Variants in DCC observed in about 807,000 individuals in gnomAD.
DCC encodes the protein netrin receptor DCC.
Under a neutral mutation model 172.5 loss-of-function variants are expected in DCC, and 58 were observed. That is an observed-to-expected ratio of 0.34 (90% CI 0.27 to 0.42). The LOEUF is 0.42. Ranked by LOEUF, DCC falls within the 10% of genes least tolerant of loss-of-function variation. The probability of loss-of-function intolerance (pLI) is 1.00; values close to 1 mark genes in which losing one functional copy is unlikely to be tolerated. For missense variants in DCC, 1,740 were observed against 1,791.0 expected (o/e 0.97, Z 0.51); for synonymous variants, 709 against 644.5 (o/e 1.10, Z -1.52).
intron 5 of DCC, among the ~76,000 whole-genome samples, chr18:53,024,619 T>C (rs1010815081): frequency 3.9e-5 from 6 of 152,172 alleles, no homozygotes; most frequent in African/African-American, 1.4e-4. Context: ...TAGTTCCTAG[T>C]AAGGAAGCCA....
At chr18:52,664,033 G>C (rs1361417590) in intron 1 of DCC, among the ~76,000 whole-genome samples, 1 of 152,168 alleles carries the variant, frequency 6.6e-6, no homozygotes, top group Admixed American at 6.6e-5. Context: ...GTTGAGAGTG[G>C]TCACTTCTAA....
At chr18:52,582,968 G>A (rs35602778) in intron 1 of DCC, among the ~76,000 whole-genome samples, 1 of 152,180 alleles carries the variant, frequency 6.6e-6, no homozygotes, top group Non-Finnish European at 1.5e-5. Context: ...TCCAACATAC[G>A]TGTTTCTGAA....
intron 1 of DCC, among the ~76,000 whole-genome samples, chr18:52,646,496 C>G (rs1748933220): frequency 6.6e-6 from 1 of 152,186 alleles, no homozygotes; most frequent in Admixed American, 6.5e-5. Context: ...CTGCCTGTTA[C>G]TTCAGATGCT....
At chr18:52,599,835 G>C (rs1046019596) in intron 1 of DCC, among the ~76,000 whole-genome samples, 9 of 150,794 alleles carry the variant, frequency 6.0e-5, no homozygotes, top group African/African-American at 2.2e-4. Flanking sequence ...ATTTTAAAAA[G>C]CAAAAAAAAA....
intron 3 of DCC, among the ~76,000 whole-genome samples, chr18:52,911,802 T>G (rs979955361): frequency 2.0e-5 from 3 of 151,942 alleles, no homozygotes; most frequent in Non-Finnish European, 4.4e-5. Context: ...TGAAGAAAAC[T>G]TTCTCTTATA....
chr18:53,432,619 A>G (rs1314176955), intron 21 of DCC, among the ~76,000 whole-genome samples: 1 of 152,150 alleles, frequency 6.6e-6, no homozygotes, highest in African/African-American at 2.4e-5. Context: ...GCTCTTAAAA[A>G]TGCTGTGATA....
intron 3 of DCC, among the ~76,000 whole-genome samples, chr18:52,916,748 A>T (rs2040046747): frequency 6.6e-6 from 1 of 152,176 alleles, no homozygotes; most frequent in South Asian, 2.1e-4. Flanking sequence ...ATTATGTGAA[A>T]AGGCTATCAA....
chr18:52,965,539 T>A (rs1023715715), intron 5 of DCC, among the ~76,000 whole-genome samples: 1 of 152,188 alleles, frequency 6.6e-6, no homozygotes, highest in Admixed American at 6.5e-5. Context: ...ATTCCAAAAA[T>A]AGGGTTAAAA....
chr18:53,001,937 C>T (rs1344695984), intron 5 of DCC, among the ~76,000 whole-genome samples: 1 of 152,078 alleles, frequency 6.6e-6, no homozygotes, highest in African/African-American at 2.4e-5. Flanking sequence ...GTAAAAGAAA[C>T]ATTGCTAGCC....
At chr18:52,979,848 T>A (rs1358931434) in intron 5 of DCC, among the ~76,000 whole-genome samples, 2 of 152,174 alleles carry the variant, frequency 1.3e-5, no homozygotes, top group Non-Finnish European at 2.9e-5. Flanking sequence ...AGGGAAGATG[T>A]CTTCAAATGA....
chr18:53,241,018 A>C (rs1362318523), intron 12 of DCC, among the ~76,000 whole-genome samples: 1 of 152,162 alleles, frequency 6.6e-6, no homozygotes, highest in Non-Finnish European at 1.5e-5. Flanking sequence ...GTCCTCAGCA[A>C]TATTACTTAC....
chr18:52,965,992 G>T (rs116708859), intron 5 of DCC, among the ~76,000 whole-genome samples: 1 of 152,284 alleles, frequency 6.6e-6, no homozygotes, highest in South Asian at 2.1e-4. Context: ...ACTTGGCTCT[G>T]TGGGGACCCA....
intron 5 of DCC, among the ~76,000 whole-genome samples, chr18:53,019,442 C>A (rs1446277862): frequency 6.6e-6 from 1 of 152,072 alleles, no homozygotes; most frequent in Non-Finnish European, 1.5e-5. Context: ...AGGGTTGGTA[C>A]CTTAAGAAAA....
chr18:52,422,384 A>T (rs1987278527), intron 1 of DCC, among the ~76,000 whole-genome samples: 1 of 152,146 alleles, frequency 6.6e-6, no homozygotes, highest in East Asian at 1.9e-4. Context: ...TCCCCTTAAC[A>T]TCACATCAGG....
At chr18:52,937,353 C>G (rs1335737770) in intron 5 of DCC, among the ~76,000 whole-genome samples, 1 of 152,100 alleles carries the variant, frequency 6.6e-6, no homozygotes, top group Non-Finnish European at 1.5e-5. Context: ...AAAGCAATGG[C>G]AAAAACACAA....
At chr18:53,267,011 C>T (rs571133106) in intron 12 of DCC, among the ~76,000 whole-genome samples, 3 of 151,648 alleles carry the variant, frequency 2.0e-5, no homozygotes, top group South Asian at 2.1e-4. Flanking sequence ...TGTGTAAATG[C>T]GTGTTTTTGT....
intron 1 of DCC, among the ~76,000 whole-genome samples, chr18:52,391,423 T>C (rs572726794): frequency 6.6e-6 from 1 of 152,120 alleles, no homozygotes; most frequent in Non-Finnish European, 1.5e-5. Context: ...ATCCTCTAAC[T>C]GAAATATATA....
intron 1 of DCC, among the ~76,000 whole-genome samples, chr18:52,734,727 A>G (rs2036698852): frequency 6.6e-6 from 1 of 152,150 alleles, no homozygotes; most frequent in South Asian, 2.1e-4. Context: ...TAAGTATGTT[A>G]AAGATGGAAA....
intron 5 of DCC, among the ~76,000 whole-genome samples, chr18:53,023,838 T>C (rs2041919226): frequency 6.6e-6 from 1 of 152,150 alleles, no homozygotes; most frequent in African/African-American, 2.4e-5. Context: ...TATGATCTGC[T>C]TTCCAGGATT....
Sources: allele counts gnomAD v4.1 joint callset (sites outside exome capture counted in the v4.1 genomes callset), GRCh38; gene constraint gnomAD v4.1.1; transcripts MANE v1.5; gene names NCBI Gene and HGNC (gene_info 2026-07-23, HGNC 2026-07-21).